ENOX1: variants seen among roughly 807,000 people sequenced by gnomAD.
ENOX1 encodes the protein ecto-NOX disulfide-thiol exchanger 1.
In ENOX1, 42 loss-of-function variants were observed where a neutral mutation model predicts 82.5. The ratio of observed to expected loss-of-function variants is 0.51; its 90% CI spans 0.40 to 0.66. The LOEUF is 0.66. Among genes scored for constraint, ENOX1 ranks in the 30% least tolerant of loss-of-function variants. The pLI, the probability that ENOX1 is intolerant of heterozygous loss-of-function variation, is 0.00. For missense variants in ENOX1, 608 were observed against 811.6 expected, an observed-to-expected ratio of 0.75 and a Z score of 3.05; for synonymous variants, 271 against 282.2, an observed-to-expected ratio of 0.96 and a Z score of 0.40.
intron 5 of ENOX1, among the ~76,000 whole-genome samples, chr13:43,392,723 A>G (rs904799398): frequency 6.6e-6 from 1 of 151,880 alleles, no homozygotes; most frequent in African/African-American, 2.4e-5. Context: ...TCAAACACCC[A>G]TTTTTTTTCT....
chr13:43,659,731 C>T (rs1310535253), intron 2 of ENOX1, among the ~76,000 whole-genome samples: 2 of 152,034 alleles, frequency 1.3e-5, no homozygotes, highest in Non-Finnish European at 2.9e-5. Context: ...TTGAGGGAAT[C>T]CCTGATATCA....
intron 1 of ENOX1, among the ~76,000 whole-genome samples, chr13:43,743,525 C>T (rs1008758182): frequency 6.6e-6 from 1 of 152,156 alleles, no homozygotes; most frequent in Non-Finnish European, 1.5e-5. Context: ...AGTAAAGCCT[C>T]TTGAGAAGAT....
chr13:43,340,058 G>C (rs9562477), intron 9 of ENOX1, among the ~76,000 whole-genome samples: 31,303 of 152,184 alleles, frequency 0.21, 4,297 homozygotes, highest in East Asian at 0.55. Context: ...CACAAACATA[G>C]CTCCACTAGA....
intron 12 of ENOX1, among the ~76,000 whole-genome samples, chr13:43,276,656 G>A (rs1376172982): frequency 6.6e-6 from 1 of 152,198 alleles, no homozygotes; most frequent in Admixed American, 6.5e-5. Flanking sequence ...GCTAATCCCT[G>A]ATTGTTAGAG....
intron 5 of ENOX1, among the ~76,000 whole-genome samples, chr13:43,388,917 A>G (rs1380362906): frequency 6.6e-6 from 1 of 152,006 alleles, no homozygotes; most frequent in Non-Finnish European, 1.5e-5. Context: ...AAAAGAACAG[A>G]AAAAAAACCA....
At chr13:43,479,938 T>A (rs2058443204) in intron 3 of ENOX1, among the ~76,000 whole-genome samples, 2 of 150,752 alleles carry the variant, frequency 1.3e-5, no homozygotes, top group Admixed American at 6.6e-5. Context: ...TTTTTATTTT[T>A]ATTTTTTTTT....
intron 2 of ENOX1, among the ~76,000 whole-genome samples, chr13:43,623,036 T>G (rs1019393404): frequency 1.4e-4 from 22 of 152,008 alleles, no homozygotes; most frequent in Non-Finnish European, 1.9e-4. Flanking sequence ...GTCACGGAAG[T>G]GGGGAAAGTC....
At chr13:43,393,452 T>C (rs1403793979) in intron 5 of ENOX1, among the ~76,000 whole-genome samples, 1 of 152,178 alleles carries the variant, frequency 6.6e-6, no homozygotes, top group Non-Finnish European at 1.5e-5. Flanking sequence ...TATCAATGCA[T>C]AACAAGAATG....
At chr13:43,215,863 A>G (rs2041447710) in intron 16 of ENOX1, among the ~76,000 whole-genome samples, 1 of 152,194 alleles carries the variant, frequency 6.6e-6, no homozygotes, top group Non-Finnish European at 1.5e-5. Context: ...TTTAACAACC[A>G]TCCCAGATCA....
At chr13:43,691,345 T>G (rs2153803814) in intron 1 of ENOX1, among the ~76,000 whole-genome samples, 1 of 152,122 alleles carries the variant, frequency 6.6e-6, no homozygotes, top group East Asian at 1.9e-4. Context: ...GTCATCTTCT[T>G]GCCTACTGCC....
intron 15 of ENOX1, among the ~76,000 whole-genome samples, chr13:43,235,731 C>CAAA (rs558553513): frequency 4.8e-5 from 4 of 82,590 alleles, no homozygotes; most frequent in Admixed American, 1.3e-4. Flanking sequence ...GACCCTGTCT[C>CAAA]AAAAAAAAAA....
At chr13:43,353,684 T>C (rs1225515910) in intron 8 of ENOX1, among the ~76,000 whole-genome samples, 1 of 152,240 alleles carries the variant, frequency 6.6e-6, no homozygotes, top group Admixed American at 6.5e-5. Context: ...TGGGTTGAAA[T>C]TGTCAAGCTT....
intron 1 of ENOX1, among the ~76,000 whole-genome samples, chr13:43,781,793 G>A (rs575780445): frequency 6.6e-6 from 1 of 152,290 alleles, no homozygotes; most frequent in South Asian, 2.1e-4. Context: ...TTACAGGCGT[G>A]AGCCACCGCG....
intron 5 of ENOX1, among the ~76,000 whole-genome samples, chr13:43,370,899 CCT>C (rs1404877250): frequency 5.8e-5 from 6 of 103,188 alleles, no homozygotes; most frequent in Admixed American, 8.7e-5. Context: ...CTATATCCCC[CCT>C]GTCCCCACCC....
intron 2 of ENOX1, among the ~76,000 whole-genome samples, chr13:43,606,793 A>T (rs1050420007): frequency 2.0e-5 from 3 of 152,040 alleles, no homozygotes; most frequent in African/African-American, 7.2e-5. Context: ...AAGTGGGCGA[A>T]TCATTGAGCA....
Position 43,412,023 on chromosome 13 carries a change from T to C in ENOX1, c.101A>G (p.Asp34Gly). 1 of 1,614,080 alleles carries C rather than the reference T, an allele frequency of 6.2e-7. No homozygotes were observed. Among genetic ancestry groups the C allele is most frequent in the Non-Finnish European group, 8.5e-7 (1 of 1,180,018 alleles). Residue 34 changes from aspartate (D) to glycine (G), a missense_variant, in exon 5 of 17, where the codon GAC (aspartate) becomes GGC (glycine). Coordinates refer to ENST00000690772, the MANE Select transcript of ENOX1 (RefSeq NM_001347969.2). ...AADGLGSIAI[D>G]TTQLNMSVTD... ...CACGGACATGTTGAGCTGGGTCGTG[T>C]CTATCGCTATACTCCCCAAACCATC... is the stretch of plus-strand genomic sequence containing the variant.
intron 1 of ENOX1, among the ~76,000 whole-genome samples, chr13:43,673,867 A>C (rs2085381287): frequency 1.3e-5 from 2 of 152,348 alleles, no homozygotes; most frequent in South Asian, 4.1e-4. Context: ...ATGTTAAATC[A>C]TACTTTTCTG....
At chr13:43,364,720 G>T (rs563571408) in intron 5 of ENOX1, among the ~76,000 whole-genome samples, 8 of 152,234 alleles carry the variant, frequency 5.3e-5, no homozygotes, top group African/African-American at 1.9e-4. Flanking sequence ...AGCATTTCCT[G>T]GGCACGTATG....
intron 2 of ENOX1, among the ~76,000 whole-genome samples, chr13:43,555,585 C>T (rs917526532): frequency 3.3e-5 from 5 of 152,166 alleles, no homozygotes; most frequent in African/African-American, 1.2e-4. Flanking sequence ...GGATCAATAT[C>T]TCTCCTAGTA....
Sources: gnomAD v4.1 joint callset for allele counts (sites outside exome capture counted in the v4.1 genomes callset) on GRCh38, gnomAD v4.1.1 for gene constraint, MANE v1.5 for transcripts, NCBI Gene and HGNC (gene_info 2026-07-23, HGNC 2026-07-21) for gene names.